Variants in MID1 observed in about 807,000 individuals in gnomAD.
The protein encoded by MID1 is E3 ubiquitin-protein ligase Midline-1.
A neutral mutation model predicts 40.4 loss-of-function variants in MID1; 7 were observed. That is an observed-to-expected ratio of 0.17 (90% CI 0.10 to 0.33). The LOEUF is 0.33. MID1 is among the 10% of genes least tolerant of loss of function. The pLI, the probability that MID1 is intolerant of heterozygous loss-of-function variation, is 1.00. For missense variants in MID1, 367 were observed against 558.5 expected (o/e 0.66, Z 3.46); for synonymous variants, 229 against 221.2 (o/e 1.04, Z -0.31).
At chrX:10,577,851 C>A (rs1263558409) in intron 1 of MID1, among the ~76,000 whole-genome samples, 1 of 107,651 alleles carries the variant, frequency 9.3e-6, no homozygotes, top group African/African-American at 3.4e-5. Context: ...AAAAGTCCTG[C>A]GCTGCAGTTC....
At chrX:10,832,010 G>A (rs1157236714) in intron 1 of MID1, among the ~76,000 whole-genome samples, 1 of 112,328 alleles carries the variant, frequency 8.9e-6, no homozygotes, top group Non-Finnish European at 1.9e-5. Flanking sequence ...TGTCTCCTGG[G>A]TTGCTGACTC....
intron 2 of MID1, among the ~76,000 whole-genome samples, chrX:10,527,420 A>G (rs770128428): frequency 8.9e-6 from 1 of 111,921 alleles, no homozygotes; most frequent in African/African-American, 3.2e-5. Flanking sequence ...TATCTATACT[A>G]TTGTTAAGAT....
At chrX:10,780,802 G>A (rs187917365) in intron 1 of MID1, among the ~76,000 whole-genome samples, 1 of 111,686 alleles carries the variant, frequency 9.0e-6, no homozygotes, top group African/African-American at 3.3e-5. Context: ...GTGGTAGGGG[G>A]ATGGTTTCAA....
intron 1 of MID1, among the ~76,000 whole-genome samples, chrX:10,654,398 C>T (rs958710597): frequency 9.0e-6 from 1 of 111,659 alleles, no homozygotes; most frequent in Non-Finnish European, 1.9e-5. Context: ...CGCCAGGGAC[C>T]GGTTTCATGG....
intron 1 of MID1, among the ~76,000 whole-genome samples, chrX:10,713,355 G>A (rs1249207385): frequency 4.8e-5 from 5 of 104,766 alleles, no homozygotes; most frequent in African/African-American, 1.1e-4. Context: ...ACAGGATCTC[G>A]CTCTCTGGTC....
intron 1 of MID1, among the ~76,000 whole-genome samples, chrX:10,659,322 T>G (rs1434432731): frequency 9.0e-6 from 1 of 111,660 alleles, no homozygotes; most frequent in African/African-American, 3.3e-5. Flanking sequence ...GAGTATCATC[T>G]ATCACTATAG....
chrX:10,486,308 G>A (rs951824636), intron 4 of MID1, among the ~76,000 whole-genome samples: 1 of 112,046 alleles, frequency 8.9e-6, no homozygotes, highest in Non-Finnish European at 1.9e-5. Context: ...TCACTTTTGT[G>A]ATCTCCACAA....
chrX:10,728,469 T>C (rs1448842301), intron 1 of MID1, among the ~76,000 whole-genome samples: 1 of 112,277 alleles, frequency 8.9e-6, no homozygotes, highest in Non-Finnish European at 1.9e-5. Flanking sequence ...AAAAGGCATT[T>C]TGTTCCAGTC....
chrX:10,462,656 C>A (rs954021403), intron 7 of MID1, among the ~76,000 whole-genome samples: 2 of 110,638 alleles, frequency 1.8e-5, no homozygotes, highest in Non-Finnish European at 3.8e-5. Flanking sequence ...TGATTTTATA[C>A]ATTTTTTTTT....
intron 1 of MID1, among the ~76,000 whole-genome samples, chrX:10,712,887 A>G (rs1490617263): frequency 1.8e-5 from 2 of 110,672 alleles, no homozygotes; most frequent in Non-Finnish European, 3.8e-5. Flanking sequence ...CCCAGGCTGG[A>G]GTGCAGTGGC....
intron 1 of MID1, among the ~76,000 whole-genome samples, chrX:10,589,195 C>T (rs901829463): frequency 1.8e-5 from 2 of 111,780 alleles, no homozygotes; most frequent in Non-Finnish European, 3.8e-5. Flanking sequence ...GCAATCCAGG[C>T]AATCCAAGTA....
At chrX:10,504,941 A>C in intron 3 of MID1, among the ~76,000 whole-genome samples, 1 of 111,762 alleles carries the variant, frequency 8.9e-6, no homozygotes, top group Middle Eastern at 4.6e-3. Flanking sequence ...CAGATTTAGC[A>C]TGAGCGTCAC....
At chrX:10,663,002 AAT>A in intron 1 of MID1, among the ~76,000 whole-genome samples, 1 of 112,113 alleles carries the variant, frequency 8.9e-6, no homozygotes, top group South Asian at 3.7e-4. Flanking sequence ...GTTCTATTAA[AAT>A]GATAATAGGA....
intron 1 of MID1, among the ~76,000 whole-genome samples, chrX:10,745,705 T>C (rs1163881175): frequency 8.9e-6 from 1 of 112,613 alleles, no homozygotes; most frequent in African/African-American, 3.2e-5. Context: ...GAGTTTTCCA[T>C]GTGTGTTTAC....
At chrX:10,684,885 C>T (rs909216795) in intron 1 of MID1, among the ~76,000 whole-genome samples, 2 of 111,619 alleles carry the variant, frequency 1.8e-5, no homozygotes, top group African/African-American at 3.3e-5. Flanking sequence ...TGCCTATTTA[C>T]GGTTAATTCC....
chrX:10,495,690 A>T lies in MID1; in HGVS notation c.758T>A (p.Val253Asp). The T allele has an allele frequency of 8.5e-7, 1 of 1,177,031 alleles. No individual in the cohort carries two copies. The highest frequency in any genetic ancestry group is 1.2e-6 in the Non-Finnish European group (1 of 864,091). The change falls in exon 4 of 10, where the codon GTC becomes GAC. Residue 253 changes from valine to aspartate, a missense_variant and splice_region_variant. Val to Asp is a radical substitution (Grantham distance 152). This residue lies in a region of MID1 where 275 missense variants were observed against 383.1 expected (regional missense o/e 0.72). Transcript: ENST00000317552. ...KLIQTCQHVEVNASRQEAKLT... is the reference protein window; with the variant it reads ...KLIQTCQHVEDNASRQEAKLT... Reference sequence around the variant, plus strand: ...TTTGGCTTCTTGACGTGATGCATTGACCTACAGGATAAGTACAATGGTAAG... The same window carrying T: ...TTTGGCTTCTTGACGTGATGCATTGTCCTACAGGATAAGTACAATGGTAAG...
At chrX:10,517,828 G>A (rs1425969710) in intron 3 of MID1, among the ~76,000 whole-genome samples, 2 of 112,515 alleles carry the variant, frequency 1.8e-5, no homozygotes, top group African/African-American at 3.2e-5. Flanking sequence ...CCAGTCCCCA[G>A]CTAGAAATAA....
At chrX:10,800,612 C>T (rs2043999487) in intron 1 of MID1, among the ~76,000 whole-genome samples, 1 of 111,801 alleles carries the variant, frequency 8.9e-6, no homozygotes, top group Non-Finnish European at 1.9e-5. Context: ...CAGTGTGAGA[C>T]CCATGGAAGA....
At chrX:10,810,696 CTGTGTG>C (rs370482398) in intron 1 of MID1, among the ~76,000 whole-genome samples, 1,123 of 101,111 alleles carry the variant, frequency 0.011, 23 homozygotes, top group African/African-American at 0.038. Flanking sequence ...GTTGTTTTCT[CTGTGTG>C]TGTGTGTGTG....
Sources: allele counts gnomAD v4.1 joint callset (sites outside exome capture counted in the v4.1 genomes callset), GRCh38; gene constraint gnomAD v4.1.1; regional missense constraint gnomAD v4.1.1; transcripts MANE v1.5; gene names NCBI Gene and HGNC (gene_info 2026-07-23, HGNC 2026-07-21).